The following STX1A variants were observed in gnomAD, a reference collection of about 807,000 sequenced individuals.
The protein encoded by STX1A is syntaxin 1A, also known as syntaxin-1A.
STX1A carries 4 observed loss-of-function variants against 37.8 expected under a neutral mutation model. The ratio of observed to expected loss-of-function variants is 0.11; its 90% CI spans 0.05 to 0.24. The LOEUF is 0.24. STX1A is among the 10% of genes least tolerant of loss of function. The pLI is 1.00. For missense variants in STX1A, 251 were observed against 399.9 expected (o/e 0.63, Z 3.18); for synonymous variants, 135 against 147.4 (o/e 0.92, Z 0.61).
chr7:73,708,339 C>T (rs1013242827), intron 3 of STX1A, among the ~76,000 whole-genome samples: 2 of 152,138 alleles, frequency 1.3e-5, no homozygotes, highest in Admixed American at 6.5e-5. Flanking sequence ...TCGCCTCTCC[C>T]ATCACCCAAG....
At position 73,717,572 on chromosome 7, in the gene STX1A, CGGGTGGG is replaced by C. The variant is rs1584260011; in HGVS notation, c.30+2023_30+2029del. Reference sequence around the variant, plus strand: ...CAAGACTGACTGTCTCACCCCACCCCGGGTGGGCTCCTGCCTGCCAGCCGTCCACCTG... The same window carrying C: ...CAAGACTGACTGTCTCACCCCACCCCCTCCTGCCTGCCAGCCGTCCACCTG... On this transcript the variant is annotated intron_variant, in intron 1 of 9. Coordinates refer to ENST00000222812, the MANE Select transcript of STX1A (RefSeq NM_004603.4). This position sits in a 1 kb window ranked among gnomAD's most constrained non-coding sequence, Gnocchi z 4.1. 4.6e-5 allele frequency among the ~76,000 whole-genome samples: 7 copies of C among 152,214 alleles called. No individual in the cohort carries two copies. Among genetic ancestry groups the C allele is most frequent in the East Asian group, 3.9e-4 (2 of 5,158 alleles).
In STX1A at chr7:73,700,358, G is replaced by T. The variant is rs371237341; in HGVS notation, c.*49C>A. 1 of 1,596,312 alleles carries T rather than the reference G, an allele frequency of 6.3e-7. No homozygotes were observed. The highest frequency in any genetic ancestry group is 8.6e-7 in the Non-Finnish European group (1 of 1,164,184). ...GCCCAGCCAGGTGGCAGCAGCCAGGGCCTCCTTGGAGTGGCCCACCTGGAG... is the reference window on the plus strand; with the variant it reads ...GCCCAGCCAGGTGGCAGCAGCCAGGTCCTCCTTGGAGTGGCCCACCTGGAG... On this transcript the variant is annotated 3_prime_UTR_variant, in exon 10 of 10. Coordinates refer to ENST00000222812, the MANE Select transcript of STX1A (RefSeq NM_004603.4). The surrounding 1 kb of genome is among the most constrained non-coding windows in gnomAD (Gnocchi z 4.4).
chr7:73,712,051 T>C (rs1028976250), intron 1 of STX1A, among the ~76,000 whole-genome samples: 1 of 151,852 alleles, frequency 6.6e-6, no homozygotes, highest in Admixed American at 6.6e-5. Context: ...AGGGTAGGGC[T>C]GGGGAAAGGG....
rs1554616143 is a variant in STX1A at position 73,702,965 on chromosome 7, G to A, written c.558C>T (p.Ser186=). 7.5e-6 allele frequency: 12 copies of A among 1,609,942 alleles called. No homozygotes were observed. The highest frequency in any genetic ancestry group is 1.0e-5 in the Non-Finnish European group (12 of 1,178,590). The change falls in exon 8 of 10, where the codon AGC becomes AGT. Residue 186 remains serine, a synonymous_variant. Transcript: ENST00000222812. This position sits in a 1 kb window ranked among gnomAD's most constrained non-coding sequence, Gnocchi z 4.7. ...TCTCGCTCAGAGCCTGCTTCGAGAT[G>A]CTGGAGTCCATGATGATCTGGGGGT... ...IFASGIIMDS[S]ISKQALSEIE... is the part of the protein sequence containing the mutation.
At chr7:73,707,669 C>T (rs1334470947) in intron 3 of STX1A, among the ~76,000 whole-genome samples, 3 of 152,220 alleles carry the variant, frequency 2.0e-5, no homozygotes, top group Non-Finnish European at 4.4e-5. Context: ...CGTGGGGGCT[C>T]ATGCCTGTAA....
At chr7:73,703,426 C>A (rs186415161) in intron 7 of STX1A, 2 of 604,528 alleles carry the variant, frequency 3.3e-6, no homozygotes, top group Admixed American at 2.1e-5. Context: ...TCAGGGAGCA[C>A]CCCTGCCCGG....
At position 73,702,737 on chromosome 7, in the gene STX1A, C is replaced by T; in HGVS notation, c.678+108G>A. ...CAGCGGGTGATTGGTTACCTGAGAA[C>T]TTGGTCCCTCCCCGGCAGGGCAGCG... On this transcript the variant is annotated intron_variant, in intron 8 of 9. Transcript: ENST00000222812. The surrounding 1 kb of genome is among the most constrained non-coding windows in gnomAD (Gnocchi z 4.7). 1.3e-6 allele frequency: 2 copies of T among 1,577,874 alleles called. No homozygotes were observed. Among genetic ancestry groups the T allele is most frequent in the Non-Finnish European group, 1.7e-6 (2 of 1,158,624 alleles).
At chr7:73,711,854 C>T (rs1172852404) in intron 1 of STX1A, among the ~76,000 whole-genome samples, 2 of 152,154 alleles carry the variant, frequency 1.3e-5, no homozygotes, top group African/African-American at 2.4e-5. Flanking sequence ...AGACCCCTGG[C>T]ACCTGTCTGG....
At chr7:73,707,453 C>T (rs1177779199) in intron 3 of STX1A, among the ~76,000 whole-genome samples, 6 of 152,140 alleles carry the variant, frequency 3.9e-5, no homozygotes, top group Non-Finnish European at 7.4e-5. Flanking sequence ...CCTCCCACAG[C>T]GCTGACGACT....
At position 73,706,948 on chromosome 7, in the gene STX1A, T is replaced by C. The variant is rs1584247592; in HGVS notation, c.208+1641A>G. 6.6e-6 allele frequency among the ~76,000 whole-genome samples: 1 copy of C among 152,204 alleles called. No individual in the cohort carries two copies. The highest frequency in any genetic ancestry group is 2.1e-4 in the South Asian group (1 of 4,824). Reference sequence around the variant, plus strand: ...CTGCTCCCACCTGACCCATTTTGCCTTCTGAGGGCGGGGCACTGGCTTAGT... The same window carrying C: ...CTGCTCCCACCTGACCCATTTTGCCCTCTGAGGGCGGGGCACTGGCTTAGT... On this transcript the variant is annotated intron_variant, in intron 3 of 9. Coordinates refer to ENST00000222812, the MANE Select transcript of STX1A (RefSeq NM_004603.4). This position sits in a 1 kb window ranked among gnomAD's most constrained non-coding sequence, Gnocchi z 4.6.
intron 1 of STX1A, among the ~76,000 whole-genome samples, chr7:73,716,192 G>A (rs797024348): frequency 6.6e-5 from 10 of 152,374 alleles, no homozygotes; most frequent in African/African-American, 2.2e-4. Flanking sequence ...CCTCTGGAAC[G>A]TAATGGGAGG....
chr7:73,714,732 C>T (rs1799229800), intron 1 of STX1A, among the ~76,000 whole-genome samples: 1 of 150,858 alleles, frequency 6.6e-6, no homozygotes, highest in Non-Finnish European at 1.5e-5. Flanking sequence ...CTGCATTCAG[C>T]AGTTCTCAAA....
At chr7:73,719,487 T>C in intron 1 of STX1A, 115 bp downstream of exon 1, 1 of 1,054,036 alleles carries the variant, frequency 9.5e-7, no homozygotes. Context: ...CCTTCAGCCC[T>C]GGCTGGGGGC....
chr7:73,713,892 G>A (rs1799191643), intron 1 of STX1A, among the ~76,000 whole-genome samples: 1 of 152,232 alleles, frequency 6.6e-6, no homozygotes, highest in Non-Finnish European at 1.5e-5. Context: ...AGCTGGAACT[G>A]TGGGGCACAA....
chr7:73,712,685 C>G (rs1799147423), intron 1 of STX1A, among the ~76,000 whole-genome samples: 1 of 152,290 alleles, frequency 6.6e-6, no homozygotes, highest in African/African-American at 2.4e-5. Context: ...TAGAGTCCTT[C>G]TCTTCCCTGT....
At position 73,700,684 on chromosome 7, in the gene STX1A, C is replaced by G. The variant is rs1554615712; in HGVS notation, c.789+46G>C. The G allele has an allele frequency of 4.3e-6, 7 of 1,609,566 alleles. No individual in the cohort carries two copies. The South Asian group carries it at 7.7e-5, about 18-fold the overall frequency. On this transcript the variant is annotated intron_variant, in intron 9 of 9. Coordinates refer to ENST00000222812, the MANE Select transcript of STX1A (RefSeq NM_004603.4). The surrounding 1 kb of genome is among the most constrained non-coding windows in gnomAD (Gnocchi z 4.4). ...AGGGATGTGGGATGGTTGGGGGTCC[C>G]TAATGGGTGCTGGGGCATGGCCTTG...
At chr7:73,703,983 C>G (rs945189045) in intron 6 of STX1A, 155 bp from the exon 7 acceptor site, 1 of 960,316 alleles carries the variant, frequency 1.0e-6, no homozygotes, top group Admixed American at 2.8e-5. Context: ...AACACAGCAG[C>G]CGCCTCAGGC....
At chr7:73,703,610 T>C (rs1226931403) in intron 7 of STX1A, 145 bp downstream of exon 7, 1 of 978,188 alleles carries the variant, frequency 1.0e-6, no homozygotes, top group East Asian at 2.4e-5. Context: ...GCCTGGTGTT[T>C]TCCCCTCTCT....
intron 1 of STX1A, 134 bp downstream of exon 1, chr7:73,719,468 G>T (rs1799417850): frequency 4.3e-6 from 4 of 922,876 alleles, no homozygotes; most frequent in Non-Finnish European, 5.5e-6. Context: ...TCCCTGGCTC[G>T]CCCCGCTCCC....
Sources: allele counts gnomAD v4.1 joint callset (sites outside exome capture counted in the v4.1 genomes callset), GRCh38; gene constraint gnomAD v4.1.1; non-coding constraint Gnocchi (gnomAD v3.1); transcripts MANE v1.5; gene names NCBI Gene and HGNC (gene_info 2026-07-23, HGNC 2026-07-21).